KHDRBS2: variants seen among roughly 807,000 people sequenced by gnomAD.
The protein encoded by KHDRBS2 is KH RNA binding domain containing, signal transduction associated 2.
A neutral mutation model predicts 44.3 loss-of-function variants in KHDRBS2; 26 were observed. That is an observed-to-expected ratio of 0.59 (90% confidence interval 0.43 to 0.81). The LOEUF is 0.81. KHDRBS2 is among the 40% of genes least tolerant of loss of function. KHDRBS2 has a pLI of 0.00. For missense variants in KHDRBS2, 476 were observed against 433.1 expected (o/e 1.10, Z -0.88); for synonymous variants, 194 against 151.1 (o/e 1.28, Z -2.08).
the KHDRBS2 span, among the ~76,000 whole-genome samples, chr6:61,622,851 T>A: frequency 2.6e-5 from 4 of 152,068 alleles, no homozygotes; most frequent in South Asian, 8.3e-4. Context: ...GTAGCTCTCC[T>A]CTGCAAGCCA....
At chr6:61,854,576 G>A (rs1795898762) in intron 6 of KHDRBS2, among the ~76,000 whole-genome samples, 1 of 152,054 alleles carries the variant, frequency 6.6e-6, no homozygotes, top group Admixed American at 6.6e-5. Flanking sequence ...TTTCCTTCTT[G>A]TAACTCATCT....
chr6:61,613,563 T>A, the KHDRBS2 span, among the ~76,000 whole-genome samples: 1 of 152,200 alleles, frequency 6.6e-6, no homozygotes, highest in Non-Finnish European at 1.5e-5. Context: ...TCCACATTTC[T>A]TTTTTTCTTA....
rs557946478 is a variant in KHDRBS2, at chr6:61,924,457, G to A, written c.484-23086C>T. Among the ~76,000 whole-genome samples, 183 of 151,930 alleles carry A rather than the reference G, an allele frequency of 1.2e-3. 1 individual carries two copies. Among genetic ancestry groups the A allele is most frequent in the African/African-American group, 4.1e-3 (171 of 41,492 alleles). ...TTTAAAGGCTACAATTTCTAATCAG[G>A]TTACAATAAGTCAAATTAAAAAATT... On this transcript the variant is annotated intron_variant, in intron 4 of 8. Transcript: ENST00000281156.
chr6:62,198,039 T>A (rs1256973725), intron 1 of KHDRBS2, among the ~76,000 whole-genome samples: 1 of 151,914 alleles, frequency 6.6e-6, no homozygotes, highest in Non-Finnish European at 1.5e-5. Context: ...TTGAAACCAA[T>A]GAGAACAAAG....
intron 6 of KHDRBS2, among the ~76,000 whole-genome samples, chr6:61,776,853 G>C (rs540373677): frequency 6.6e-6 from 1 of 152,168 alleles, no homozygotes; most frequent in Non-Finnish European, 1.5e-5. Flanking sequence ...GTTTATAGTG[G>C]CACTATTCAC....
intron 2 of KHDRBS2, among the ~76,000 whole-genome samples, chr6:62,143,188 C>T (rs1166242096): frequency 2.6e-5 from 4 of 151,762 alleles, no homozygotes; most frequent in Non-Finnish European, 5.9e-5. Context: ...AGTCTTCTGA[C>T]AATAAAATTT....
chr6:61,992,485 G>A (rs922651911), intron 3 of KHDRBS2, among the ~76,000 whole-genome samples: 2 of 152,082 alleles, frequency 1.3e-5, no homozygotes, highest in African/African-American at 4.8e-5. Flanking sequence ...TCTTCTAAAT[G>A]ATATTAGTTC....
the KHDRBS2 span, among the ~76,000 whole-genome samples, chr6:61,621,593 C>T: frequency 6.6e-6 from 1 of 152,158 alleles, no homozygotes; most frequent in Non-Finnish European, 1.5e-5. Context: ...CCCACTGAAA[C>T]ATTGGATGGG....
intron 6 of KHDRBS2, among the ~76,000 whole-genome samples, chr6:61,880,717 T>A (rs1800085916): frequency 6.6e-6 from 1 of 151,944 alleles, no homozygotes; most frequent in Admixed American, 6.6e-5. Flanking sequence ...TAAAATCTTT[T>A]CCTGCCTCCC....
chr6:61,627,156 G>A, the KHDRBS2 span, among the ~76,000 whole-genome samples: 1 of 149,844 alleles, frequency 6.7e-6, no homozygotes, highest in African/African-American at 2.5e-5. Context: ...GGGAGGCTGA[G>A]GCAGGAGAAT....
intron 4 of KHDRBS2, among the ~76,000 whole-genome samples, chr6:61,915,819 G>A (rs1435350526): frequency 6.6e-6 from 1 of 151,952 alleles, no homozygotes; most frequent in Non-Finnish European, 1.5e-5. Flanking sequence ...GAAGTCTTAG[G>A]ACTTTAGTGG....
chr6:62,242,600 C>T (rs1217813940), intron 1 of KHDRBS2, among the ~76,000 whole-genome samples: 1 of 151,640 alleles, frequency 6.6e-6, no homozygotes, highest in Non-Finnish European at 1.5e-5. Context: ...AAAGGAGAAC[C>T]ATTGGTAATA....
intron 7 of KHDRBS2, among the ~76,000 whole-genome samples, chr6:61,718,946 T>A (rs1276263257): frequency 6.6e-6 from 1 of 152,104 alleles, no homozygotes; most frequent in Non-Finnish European, 1.5e-5. Flanking sequence ...CAAAAAAGGT[T>A]TTCATTCTAG....
intron 7 of KHDRBS2, among the ~76,000 whole-genome samples, chr6:61,715,929 G>A (rs1397163102): frequency 6.6e-6 from 1 of 151,604 alleles, no homozygotes; most frequent in Non-Finnish European, 1.5e-5. Context: ...CTAAAAATCA[G>A]AGTATTGCAC....
At chr6:61,909,421 G>C (rs905320832) in intron 4 of KHDRBS2, among the ~76,000 whole-genome samples, 1 of 152,044 alleles carries the variant, frequency 6.6e-6, no homozygotes, top group African/African-American at 2.4e-5. Flanking sequence ...TTCCTGTAAT[G>C]TCCAAATAAT....
intron 3 of KHDRBS2, among the ~76,000 whole-genome samples, chr6:61,980,925 T>C (rs565505076): frequency 6.6e-6 from 1 of 152,302 alleles, no homozygotes; most frequent in South Asian, 2.1e-4. Context: ...CTGAATTCCA[T>C]GTCATTTCAA....
At chr6:61,656,390 G>A in the KHDRBS2 span, among the ~76,000 whole-genome samples, 3 of 151,904 alleles carry the variant, frequency 2.0e-5, no homozygotes, top group African/African-American at 7.2e-5. Context: ...AAGACAAAAG[G>A]ACAGAGAGGT....
intron 3 of KHDRBS2, among the ~76,000 whole-genome samples, chr6:62,045,902 T>TAGACCTTATCTTG: frequency 7.0e-6 from 1 of 143,776 alleles, no homozygotes; most frequent in East Asian, 2.0e-4. Flanking sequence ...AGGTGTCCAA[T>TAGACCTTATCTTG]ACTTGAGAAA....
chr6:61,916,774 G>T (rs1583493886), intron 4 of KHDRBS2, among the ~76,000 whole-genome samples: 1 of 151,950 alleles, frequency 6.6e-6, no homozygotes, highest in East Asian at 1.9e-4. Flanking sequence ...GTGAGCAAGG[G>T]TGAAAGTGGT....
Sources: gnomAD v4.1 joint callset for allele counts (sites outside exome capture counted in the v4.1 genomes callset) on GRCh38, gnomAD v4.1.1 for gene constraint, MANE v1.5 for transcripts, NCBI Gene and HGNC (gene_info 2026-07-23, HGNC 2026-07-21) for gene names.